Variants in SHB observed in about 807,000 individuals in gnomAD.
The protein encoded by SHB is SH2 domain-containing adapter protein B.
In SHB, 20 loss-of-function variants were observed where a neutral mutation model predicts 52.3. The observed-to-expected ratio is 0.38, with a 90% CI of 0.27 to 0.56. The LOEUF (loss-of-function observed/expected upper bound fraction) is 0.56. SHB is among the 20% of genes least tolerant of loss of function. The pLI is 0.71. For synonymous variants in SHB, 397 were observed against 316.5 expected (o/e 1.25, Z -2.70); for missense variants, 825 against 723.3 (o/e 1.14, Z -1.61).
intron 5 of SHB, among the ~76,000 whole-genome samples, chr9:37,930,786 A>C (rs1344733251): frequency 1.3e-5 from 2 of 152,238 alleles, no homozygotes; most frequent in Non-Finnish European, 2.9e-5. Flanking sequence ...CTGAGTAACC[A>C]TAAAAGACCC....
chr9:37,936,265 G>A (rs144542701), intron 5 of SHB, among the ~76,000 whole-genome samples: 96 of 152,180 alleles, frequency 6.3e-4, no homozygotes, highest in African/African-American at 2.0e-3. Context: ...GAGATTCACT[G>A]TGGAAAATCC....
intron 1 of SHB, among the ~76,000 whole-genome samples, chr9:38,022,629 A>AT (rs935334883): frequency 2.0e-5 from 3 of 152,264 alleles, no homozygotes; most frequent in African/African-American, 4.8e-5. Context: ...GGACCCCCCC[A>AT]TAACACAGGC....
chr9:37,987,653 C>T (rs1820827771), intron 2 of SHB, among the ~76,000 whole-genome samples: 1 of 152,200 alleles, frequency 6.6e-6, no homozygotes, highest in South Asian at 2.1e-4. Flanking sequence ...TCTCAGGCTC[C>T]CTGCCCTCTA....
intron 3 of SHB, among the ~76,000 whole-genome samples, chr9:37,963,322 C>T (rs1465257514): frequency 6.6e-6 from 1 of 152,180 alleles, no homozygotes; most frequent in Non-Finnish European, 1.5e-5. Context: ...GATGGAGTTT[C>T]CTTTAAACAG....
rs1165732554 is a variant in SHB at position 37,919,979 on chromosome 9, T to C, written c.1372A>G (p.Lys458Glu). The C allele has an allele frequency of 3.1e-6, 5 of 1,614,128 alleles. No individual in the cohort carries two copies. The highest frequency in any genetic ancestry group is 4.2e-6 in the Non-Finnish European group (5 of 1,179,984). The stretch of plus-strand genomic sequence containing the variant: ...TATTTCTCTTTGGTTTTGGCCAGTT[T>C]CATGTGCATAAAACCCTGGTTGCTC... ...LRSNQGFMHM[K>E]LAKTKEKYVL... The change falls in exon 6 of 6, where the codon AAA (lysine) becomes GAA (glutamate). Residue 458 changes from lysine to glutamate, a missense_variant. Lys to Glu is a moderately conservative substitution (Grantham distance 56). Coordinates refer to ENST00000377707, the MANE Select transcript of SHB (RefSeq NM_003028.3).
chr9:38,020,892 G>A (rs1821273999), intron 1 of SHB, among the ~76,000 whole-genome samples: 1 of 152,226 alleles, frequency 6.6e-6, no homozygotes, highest in Non-Finnish European at 1.5e-5. Context: ...GAAACCCACA[G>A]CAGCTTTCAG....
intron 5 of SHB, among the ~76,000 whole-genome samples, chr9:37,925,576 A>C (rs1832239189): frequency 6.6e-6 from 1 of 152,122 alleles, no homozygotes; most frequent in Non-Finnish European, 1.5e-5. Context: ...AAAGTGAGAC[A>C]AGTTCCCTTG....
At chr9:38,003,767 C>A (rs1317993179) in intron 2 of SHB, among the ~76,000 whole-genome samples, 1 of 152,234 alleles carries the variant, frequency 6.6e-6, no homozygotes, top group Non-Finnish European at 1.5e-5. Context: ...AGCACTAACC[C>A]TTCCCCCAGT....
chr9:38,061,388 T>A (rs1429521091), intron 1 of SHB, among the ~76,000 whole-genome samples: 1 of 150,182 alleles, frequency 6.7e-6, no homozygotes, highest in Non-Finnish European at 1.5e-5. Flanking sequence ...AGCCACAGGG[T>A]GTGTTGCCGT....
intron 1 of SHB, among the ~76,000 whole-genome samples, chr9:38,064,779 G>A (rs986518243): frequency 2.0e-5 from 3 of 152,200 alleles, no homozygotes; most frequent in African/African-American, 7.2e-5. Context: ...GCTGGAAAAA[G>A]TGGGCTATGT....
rs77667778 is a variant in SHB at position 37,974,351 on chromosome 9, C to A, written c.1054+271G>T. ...TAAATAGGACCAAGACAGAACCAGACAATGAGAGCATCTGAGCCCTCTCTT... is the reference window on the plus strand; with the variant it reads ...TAAATAGGACCAAGACAGAACCAGAAAATGAGAGCATCTGAGCCCTCTCTT... On this transcript the variant is annotated intron_variant, in intron 3 of 5. Coordinates refer to ENST00000377707, the MANE Select transcript of SHB (RefSeq NM_003028.3). Among the ~76,000 whole-genome samples, 188 of 152,292 alleles carry A rather than the reference C, an allele frequency of 1.2e-3. 4 individuals are homozygous for A. The East Asian group carries it at 0.02, about 17-fold the overall frequency.
chr9:38,049,831 C>A (rs1405160916), intron 1 of SHB, among the ~76,000 whole-genome samples: 7 of 148,138 alleles, frequency 4.7e-5, no homozygotes, highest in Admixed American at 2.7e-4. Flanking sequence ...CAGAGTCTTG[C>A]TCTTGTTGCC....
In SHB at chr9:37,917,048, AAAAC is replaced by A. The variant is rs1489573353; in HGVS notation, c.*2769_*2772del. 2.6e-5 allele frequency among the ~76,000 whole-genome samples: 4 copies of A among 152,156 alleles called. No individual in the cohort carries two copies. Among genetic ancestry groups the A allele is most frequent in the African/African-American group, 4.8e-5 (2 of 41,528 alleles). ...AATTGGCAGCAGATGAAAAAAAAAA[AAAAC>A]AAACCCAAAACAAAAACCAAACCAA... On this transcript the variant is annotated 3_prime_UTR_variant, in exon 6 of 6. Transcript: ENST00000377707.
chr9:37,974,628 G>A lies in SHB; in HGVS notation c.1048C>T (p.Leu350=). 6.2e-7 allele frequency: 1 copy of A among 1,612,614 alleles called. No homozygotes were observed. The highest frequency in any genetic ancestry group is 2.2e-5 in the East Asian group (1 of 44,864). ...WEWNRVTIPA[L]AAQFNGNEKR... is the part of the protein sequence containing the mutation. ...CAGGGTCAGGGCTCCTTACCTGCCA[G>A]GGCTGGGATGGTGACCCGGTTCCAC... Residue 350 remains leucine (L), a synonymous_variant, in exon 3 of 6, where the codon CTG becomes TTG. Coordinates refer to ENST00000377707, the MANE Select transcript of SHB (RefSeq NM_003028.3).
intron 3 of SHB, among the ~76,000 whole-genome samples, chr9:37,958,635 G>A (rs1302301480): frequency 6.6e-6 from 1 of 152,200 alleles, no homozygotes; most frequent in African/African-American, 2.4e-5. Context: ...GGCCTTCCCA[G>A]GGGACAGGTC....
chr9:37,979,668 C>G (rs1340613435), intron 2 of SHB, among the ~76,000 whole-genome samples: 1 of 151,944 alleles, frequency 6.6e-6, no homozygotes, highest in African/African-American at 2.4e-5. Flanking sequence ...ACAGGCCCCC[C>G]CACCAAAGTT....
At chr9:37,945,935 T>G (rs929137146) in intron 5 of SHB, among the ~76,000 whole-genome samples, 1 of 152,174 alleles carries the variant, frequency 6.6e-6, no homozygotes, top group African/African-American at 2.4e-5. Context: ...AGGACTCCTA[T>G]CCAGAATTCT....
rs763154990 is a variant in SHB, at chr9:38,045,964, C to A, written c.717+21965G>T. On this transcript the variant is annotated intron_variant, in intron 1 of 5. Coordinates refer to ENST00000377707, the MANE Select transcript of SHB (RefSeq NM_003028.3). ...AGAGGCACCAGGCACAGGTGGCTCA[C>A]GCCTGTAATCCTAGCACTTTGGGAG... Among the ~76,000 whole-genome samples the A allele has an allele frequency of 5.3e-5, 8 of 152,070 alleles. No homozygotes were observed. The East Asian group carries it at 1.2e-3, about 22-fold the overall frequency.
At chr9:38,049,747 C>T (rs72726049) in intron 1 of SHB, among the ~76,000 whole-genome samples, 10,915 of 151,776 alleles carry the variant, frequency 0.072, 509 homozygotes, top group South Asian at 0.11. Flanking sequence ...GCCCACACTG[C>T]TTCCCTCATA....
Sources: gnomAD v4.1 joint callset for allele counts (sites outside exome capture counted in the v4.1 genomes callset) on GRCh38, gnomAD v4.1.1 for gene constraint, MANE v1.5 for transcripts, NCBI Gene and HGNC (gene_info 2026-07-23, HGNC 2026-07-21) for gene names.